Variants in FNBP1 observed in about 807,000 individuals in gnomAD.
FNBP1 encodes the protein formin-binding protein 1.
A neutral mutation model predicts 90.6 loss-of-function variants in FNBP1; 26 were observed. That is an observed-to-expected ratio of 0.29 (90% CI 0.21 to 0.40). FNBP1 has a LOEUF of 0.40. Among genes scored for constraint, FNBP1 ranks in the 10% least tolerant of loss-of-function variants. The pLI, the probability that FNBP1 is intolerant of heterozygous loss-of-function variation, is 1.00. For synonymous variants in FNBP1, 260 were observed against 265.2 expected, an observed-to-expected ratio of 0.98 and a Z score of 0.19; for missense variants, 635 against 768.0, an observed-to-expected ratio of 0.83 and a Z score of 2.05.
intron 10 of FNBP1, among the ~76,000 whole-genome samples, chr9:129,921,458 A>G (rs1048473735): frequency 6.7e-6 from 1 of 150,094 alleles, no homozygotes; most frequent in Non-Finnish European, 1.5e-5. Flanking sequence ...CAATAGCGTG[A>G]TCTTGGCTCA....
intron 4 of FNBP1, among the ~76,000 whole-genome samples, chr9:129,976,521 G>A (rs1006348540): frequency 6.6e-6 from 1 of 152,184 alleles, no homozygotes; most frequent in African/African-American, 2.4e-5. Context: ...AAGGCCATAT[G>A]CTACACATTT....
intron 1 of FNBP1, among the ~76,000 whole-genome samples, chr9:130,026,965 CAAAAAAA>C (rs765168982): frequency 1.3e-5 from 1 of 76,098 alleles, no homozygotes; most frequent in Admixed American, 1.6e-4. Context: ...GACCCTGTCT[CAAAAAAA>C]AAAAAAAAAA....
At chr9:130,020,519 A>AT (rs573322281) in intron 1 of FNBP1, among the ~76,000 whole-genome samples, 4 of 151,880 alleles carry the variant, frequency 2.6e-5, no homozygotes, top group Admixed American at 1.3e-4. Flanking sequence ...TTATTAGGCA[A>AT]TTTTTTTTCT....
At chr9:130,012,804 TA>T (rs1329901068) in intron 1 of FNBP1, among the ~76,000 whole-genome samples, 1 of 152,114 alleles carries the variant, frequency 6.6e-6, no homozygotes, top group African/African-American at 2.4e-5. Context: ...CACACCAGGC[TA>T]ATTTTTTGTA....
chr9:130,038,274 C>G (rs964855288), intron 1 of FNBP1, among the ~76,000 whole-genome samples: 1 of 148,014 alleles, frequency 6.8e-6, no homozygotes, highest in South Asian at 2.2e-4. Flanking sequence ...AGAATGGCGT[C>G]AACCCGGGAG....
At chr9:130,052,702 T>C in the FNBP1 span, among the ~76,000 whole-genome samples, 1 of 152,084 alleles carries the variant, frequency 6.6e-6, no homozygotes, top group African/African-American at 2.4e-5. Context: ...TCCAAAGTGC[T>C]GGGATTCAGG....
chr9:129,890,585 T>C lies in FNBP1; in HGVS notation c.1847-39A>G. The C allele has an allele frequency of 6.4e-7, 1 of 1,559,866 alleles. No individual in the cohort carries two copies. Among genetic ancestry groups the C allele is most frequent in the Non-Finnish European group, 8.7e-7 (1 of 1,150,766 alleles). ...AGAAACAGAAAGAGAAACTCTCTGT[T>C]AGAGAGGAAGGCGCGGGTTCCAGGC... On this transcript the variant is annotated intron_variant, in intron 16 of 16. Coordinates refer to ENST00000446176, the MANE Select transcript of FNBP1 (RefSeq NM_015033.3). This position sits in a 1 kb window ranked among gnomAD's most constrained non-coding sequence, Gnocchi z 5.8.
At chr9:129,928,957 G>A (rs1217126770) in intron 7 of FNBP1, among the ~76,000 whole-genome samples, 1 of 152,086 alleles carries the variant, frequency 6.6e-6, no homozygotes, top group Non-Finnish European at 1.5e-5. Flanking sequence ...AGGGCATGGT[G>A]GTGCATGCCT....
intron 1 of FNBP1, among the ~76,000 whole-genome samples, chr9:130,037,203 T>C (rs1159980932): frequency 1.3e-5 from 2 of 150,444 alleles, no homozygotes; most frequent in East Asian, 3.9e-4. Flanking sequence ...GTATGAAAAA[T>C]ACAAAAATTG....
intron 1 of FNBP1, among the ~76,000 whole-genome samples, chr9:129,996,468 G>T (rs2054019199): frequency 6.6e-6 from 1 of 152,142 alleles, no homozygotes; most frequent in Non-Finnish European, 1.5e-5. Context: ...GAGGGTTCTA[G>T]CCCCAGCAAA....
intron 2 of FNBP1, among the ~76,000 whole-genome samples, chr9:129,986,260 C>G (rs2052219312): frequency 6.6e-6 from 1 of 152,040 alleles, no homozygotes. Context: ...AAATCACCCT[C>G]CTTCAGATTA....
At chr9:129,990,419 T>C (rs541880965) in intron 2 of FNBP1, among the ~76,000 whole-genome samples, 109 of 151,862 alleles carry the variant, frequency 7.2e-4, no homozygotes, top group African/African-American at 2.5e-3. Context: ...GAAGAACACA[T>C]AGGTGATATC....
chr9:129,933,180 C>T (rs1382360592), intron 6 of FNBP1, among the ~76,000 whole-genome samples: 1 of 152,154 alleles, frequency 6.6e-6, no homozygotes, highest in Non-Finnish European at 1.5e-5. Context: ...ACAGGCATCA[C>T]ATCAGAATGC....
At chr9:129,952,268 G>C (rs1425457025) in intron 6 of FNBP1, among the ~76,000 whole-genome samples, 1 of 151,968 alleles carries the variant, frequency 6.6e-6, no homozygotes, top group Non-Finnish European at 1.5e-5. Flanking sequence ...CGGAGGCTGA[G>C]GTGGGCAGAT....
In FNBP1 at chr9:129,966,264, G is replaced by T. The variant is rs1418863522; in HGVS notation, c.346-7711C>A. On this transcript the variant is annotated intron_variant, in intron 4 of 16. Coordinates refer to ENST00000446176, the MANE Select transcript of FNBP1 (RefSeq NM_015033.3). The surrounding 1 kb of genome is among the most constrained non-coding windows in gnomAD (Gnocchi z 4.3). The stretch of plus-strand genomic sequence containing the variant: ...GGGTCTGAGGAATACCCTCCAAGCC[G>T]CAGGCAGAGCAAGTGCAGATGCTCT... 6.6e-6 allele frequency among the ~76,000 whole-genome samples: 1 copy of T among 152,204 alleles called. No homozygotes were observed. Among genetic ancestry groups the T allele is most frequent in the African/African-American group, 2.4e-5 (1 of 41,452 alleles).
At chr9:129,898,239 T>G (rs1352076981) in intron 15 of FNBP1, among the ~76,000 whole-genome samples, 2 of 152,148 alleles carry the variant, frequency 1.3e-5, no homozygotes, top group South Asian at 4.1e-4. Context: ...CTAGGGGACC[T>G]CCCATAGCTC....
intron 4 of FNBP1, among the ~76,000 whole-genome samples, chr9:129,961,711 GGT>G (rs1318254733): frequency 6.6e-6 from 1 of 151,810 alleles, no homozygotes; most frequent in Non-Finnish European, 1.5e-5. Flanking sequence ...CAGCCTCCCT[GGT>G]AGCTGGGAAT....
chr9:129,925,091 C>A lies in FNBP1; in HGVS notation c.856G>T (p.Asp286Tyr). 1 of 1,613,922 alleles carries A rather than the reference C, an allele frequency of 6.2e-7. No homozygotes were observed. Residue 286 changes from aspartate to tyrosine, a missense_variant, in exon 9 of 17, where the codon GAT becomes TAT. Asp to Tyr is a radical substitution (Grantham distance 160). Coordinates refer to ENST00000446176, the MANE Select transcript of FNBP1 (RefSeq NM_015033.3). The stretch of plus-strand genomic sequence containing the variant: ...GTGCGCTTCATTGGCTGAGTGTAAT[C>A]CTCAAATTCAATGTCTCCAGGAGGC... ...FEPPGDIEFE[D>Y]YTQPMKRTVS...
the FNBP1 span, among the ~76,000 whole-genome samples, chr9:130,049,826 T>C: frequency 3.3e-5 from 5 of 152,240 alleles, no homozygotes; most frequent in African/African-American, 9.6e-5. Flanking sequence ...TTTTTACTTA[T>C]TGTAGAAAAT....
Sources: gnomAD v4.1 joint callset for allele counts (sites outside exome capture counted in the v4.1 genomes callset) on GRCh38, gnomAD v4.1.1 for gene constraint, Gnocchi (gnomAD v3.1) non-coding constraint, MANE v1.5 for transcripts, NCBI Gene and HGNC (gene_info 2026-07-23, HGNC 2026-07-21) for gene names.